Variants in AGT observed in about 807,000 individuals in gnomAD.
AGT encodes angiotensinogen.
AGT carries 26 observed loss-of-function variants against 28.1 expected under a neutral mutation model. That is an observed-to-expected ratio of 0.92 (90% CI 0.68 to 1.28). AGT has a LOEUF of 1.28. AGT is among the 50% of genes most tolerant of loss of function. AGT has a pLI of 0.00. For missense variants in AGT, 596 were observed against 592.3 expected (o/e 1.01, Z -0.06); for synonymous variants, 259 against 259.6 (o/e 1.00, Z 0.02).
At chr1:230,729,310 T>A (rs528400036) in intron 1 of AGT, among the ~76,000 whole-genome samples, 1 of 152,246 alleles carries the variant, frequency 6.6e-6, no homozygotes, top group Non-Finnish European at 1.5e-5. Context: ...TAGTAGCCAC[T>A]GTAAGGACAA....
chr1:230,704,478 C>A, intron 3 of AGT, 141 bp from the exon 4 acceptor site: 1 of 1,158,124 alleles, frequency 8.6e-7, no homozygotes, highest in East Asian at 2.6e-5. Flanking sequence ...AAGTCATCCT[C>A]CCCCTTGGGG....
At chr1:230,741,052 T>G (rs1371006832) in intron 1 of AGT, among the ~76,000 whole-genome samples, 1 of 152,094 alleles carries the variant, frequency 6.6e-6, no homozygotes, top group Non-Finnish European at 1.5e-5. Flanking sequence ...AACCTCCAGC[T>G]CCTAGATGAG....
intron 1 of AGT, among the ~76,000 whole-genome samples, chr1:230,731,155 A>G (rs1664046867): frequency 6.6e-6 from 1 of 152,172 alleles, no homozygotes; most frequent in South Asian, 2.1e-4. Flanking sequence ...TTCATATCCA[A>G]GGTCACTTGT....
intron 2 of AGT, among the ~76,000 whole-genome samples, chr1:230,708,310 G>C (rs978702424): frequency 2.0e-5 from 3 of 152,194 alleles, no homozygotes; most frequent in Admixed American, 2.0e-4. Flanking sequence ...ACCCATTTCA[G>C]ATGCCACTGG....
chr1:230,713,402 G>A (rs1440183282), intron 1 of AGT, among the ~76,000 whole-genome samples: 2 of 152,162 alleles, frequency 1.3e-5, no homozygotes, highest in Admixed American at 6.5e-5. Context: ...CTCAGAACCA[G>A]GCCCCCTGAC....
chr1:230,720,594 T>C lies in AGT; in HGVS notation c.-30-9741A>G, dbSNP rs193240499. Among the ~76,000 whole-genome samples the C allele has an allele frequency of 5.9e-5, 9 of 152,340 alleles. No homozygotes were observed. In the East Asian group the frequency reaches 1.4e-3, roughly 23 times the overall value. On this transcript the variant is annotated intron_variant, in intron 1 of 4. Transcript: ENST00000681269. ...CTACAACTTAAATCCTTGGACCAGA[T>C]TGAGAACTTGTCTTCCTGTTTGGTG...
Position 230,710,473 on chromosome 1 carries a change from G to A in AGT, c.351C>T (p.Gly117=), listed in dbSNP as rs143232180. The change falls in exon 2 of 5, where the codon GGC becomes GGT. Residue 117 remains glycine (G), a synonymous_variant. Transcript: ENST00000366667. ...RIYGMHSELW[G]VVHGATVLSP... Reference sequence around the variant, plus strand: ...AGAGGACGGTGGCCCCATGGACCACGCCCCATAGCTCACTGTGCATGCCAT... The same window carrying A: ...AGAGGACGGTGGCCCCATGGACCACACCCCATAGCTCACTGTGCATGCCAT... 126 of 1,614,072 alleles carry A rather than the reference G, an allele frequency of 7.8e-5. No homozygotes were observed. In the East Asian group the frequency reaches 1.8e-3, roughly 23 times the overall value.
chr1:230,743,555 C>T (rs757376441), intron 1 of AGT, among the ~76,000 whole-genome samples: 60 of 152,228 alleles, frequency 3.9e-4, no homozygotes, highest in Non-Finnish European at 7.2e-4. Flanking sequence ...ACTCTCCACC[C>T]TCCTCGCCAG....
chr1:230,733,268 A>T (rs1383410612), intron 1 of AGT, among the ~76,000 whole-genome samples: 1 of 151,770 alleles, frequency 6.6e-6, no homozygotes, highest in Admixed American at 6.6e-5. Context: ...GGGCAACAAG[A>T]TCTAAACTCC....
intron 2 of AGT, among the ~76,000 whole-genome samples, chr1:230,708,501 T>C (rs1475493775): frequency 1.3e-5 from 2 of 152,154 alleles, no homozygotes. Flanking sequence ...GTGCCAGGGC[T>C]GAGCAATCCC....
chr1:230,728,514 C>G (rs1052617592), intron 1 of AGT, among the ~76,000 whole-genome samples: 3 of 152,162 alleles, frequency 2.0e-5, no homozygotes, highest in Non-Finnish European at 4.4e-5. Flanking sequence ...CAGATCTCCT[C>G]CGCTGTCATA....
upstream of AGT, among the ~76,000 whole-genome samples, chr1:230,715,304 G>T (rs941685996): frequency 2.6e-5 from 4 of 151,978 alleles, no homozygotes; most frequent in African/African-American, 9.7e-5. Context: ...TAATTACTTT[G>T]TTCCTATAGA....
At chr1:230,715,966 A>C (rs1663727947), upstream of AGT, among the ~76,000 whole-genome samples, 1 of 152,202 alleles carries the variant, frequency 6.6e-6, no homozygotes, top group African/African-American at 2.4e-5. Context: ...TGTAAAAGAA[A>C]ATAAAATTTC....
chr1:230,703,284 GCT>G lies in AGT; in HGVS notation c.1286_1287del (p.Glu429AlafsTer9), dbSNP rs1427760774. 4.3e-6 allele frequency: 7 copies of G among 1,614,186 alleles called. No individual in the cohort carries two copies. The South Asian group carries it at 4.4e-5, about 10-fold the overall frequency. On this transcript the variant is annotated frameshift_variant, in exon 5 of 5. Transcript: ENST00000366667. LOFTEE classifies it low-confidence loss of function (END_TRUNC). ...TTAAGCTGTTGGGTAGACTCTGTGG[GCT>G]CTCTCTCATCCGCTTCAAGCTCAAA... is the stretch of plus-strand genomic sequence containing the variant. The part of the protein sequence containing the change: ...IFFELEADER[E>X]PTESTQQLNK...
intron 1 of AGT, among the ~76,000 whole-genome samples, chr1:230,734,950 G>A (rs998008467): frequency 1.2e-4 from 18 of 151,924 alleles, no homozygotes; most frequent in South Asian, 2.1e-4. Flanking sequence ...TCCTGACCTC[G>A]TGATCTGCCC....
At chr1:230,739,241 G>T (rs1162858433) in intron 1 of AGT, among the ~76,000 whole-genome samples, 2 of 150,818 alleles carry the variant, frequency 1.3e-5, no homozygotes, top group Non-Finnish European at 2.9e-5. Context: ...TATAGTCCCA[G>T]CTGCTCAGGA....
intron 1 of AGT, among the ~76,000 whole-genome samples, chr1:230,720,147 G>T (rs1296207777): frequency 6.6e-6 from 1 of 152,098 alleles, no homozygotes. Context: ...ATTTCAAGGG[G>T]TTAATATGAA....
At chr1:230,703,424 T>C in intron 4 of AGT, 95 bp from the exon 5 acceptor site, 1 of 1,276,090 alleles carries the variant, frequency 7.8e-7, no homozygotes. Flanking sequence ...AGGACCTCTG[T>C]GCTGTGCACT....
intron 1 of AGT, among the ~76,000 whole-genome samples, chr1:230,734,167 G>A (rs1664114162): frequency 6.6e-6 from 1 of 152,198 alleles, no homozygotes; most frequent in African/African-American, 2.4e-5. Flanking sequence ...TAAATAGAAA[G>A]ACAAAATATG....
Sources: gnomAD v4.1 joint callset for allele counts (sites outside exome capture counted in the v4.1 genomes callset) on GRCh38, gnomAD v4.1.1 for gene constraint, MANE v1.5 for transcripts, NCBI Gene and HGNC (gene_info 2026-07-23, HGNC 2026-07-21) for gene names.